The following SH3BP5 variants were observed in gnomAD, a reference collection of about 807,000 sequenced individuals.
The protein encoded by SH3BP5 is SH3 domain-binding protein 5.
A neutral mutation model predicts 43.3 loss-of-function variants in SH3BP5; 22 were observed. The ratio of observed to expected loss-of-function variants is 0.51; its 90% CI spans 0.36 to 0.73. The LOEUF (loss-of-function observed/expected upper bound fraction) is 0.73. Among genes scored for constraint, SH3BP5 ranks in the 30% least tolerant of loss-of-function variants. SH3BP5 has a pLI of 0.00. For missense variants in SH3BP5, 529 were observed against 586.9 expected (o/e 0.90, Z 1.02); for synonymous variants, 255 against 225.8 (o/e 1.13, Z -1.16).
intron 2 of SH3BP5, among the ~76,000 whole-genome samples, chr3:15,323,501 T>C (rs1171254754): frequency 2.6e-5 from 4 of 152,146 alleles, no homozygotes; most frequent in South Asian, 2.1e-4. Flanking sequence ...GCTGGGCAGC[T>C]CTCAAAGCAC....
At chr3:15,324,096 A>G (rs567344691) in intron 2 of SH3BP5, among the ~76,000 whole-genome samples, 46 of 152,080 alleles carry the variant, frequency 3.0e-4, no homozygotes, top group Non-Finnish European at 5.6e-4. Context: ...TTTTCTTTAT[A>G]ATCAACCAAT....
At chr3:15,318,502 A>G (rs1410473649) in intron 2 of SH3BP5, among the ~76,000 whole-genome samples, 1 of 147,850 alleles carries the variant, frequency 6.8e-6, no homozygotes, top group Non-Finnish European at 1.5e-5. Flanking sequence ...TATGCTATGC[A>G]GCTATGTAGT....
chr3:15,278,039 G>A lies in SH3BP5; in HGVS notation c.331-8162C>T, dbSNP rs114660527. Among the ~76,000 whole-genome samples, 271 of 152,320 alleles carry A rather than the reference G, an allele frequency of 1.8e-3. 1 individual carries two copies. Among genetic ancestry groups the A allele is most frequent in the African/African-American group, 6.4e-3 (265 of 41,566 alleles). ...AGAAGCCCCAGCCAAATGACAGGTC[G>A]GCCAGCTTCTACCCCTCGTGCTTCG... On this transcript the variant is annotated intron_variant, in intron 3 of 8. Coordinates refer to ENST00000383791, the MANE Select transcript of SH3BP5 (RefSeq NM_004844.5).
At chr3:15,259,883 A>C (rs1696368434) in intron 5 of SH3BP5, 80 bp from the exon 6 acceptor site, 1 of 1,300,100 alleles carries the variant, frequency 7.7e-7, no homozygotes, top group Non-Finnish European at 1.1e-6. Context: ...AACAAGAGGC[A>C]TCAGCTACCA....
intron 3 of SH3BP5, among the ~76,000 whole-genome samples, chr3:15,280,967 G>C (rs367608835): frequency 3.3e-5 from 5 of 152,226 alleles, no homozygotes; most frequent in African/African-American, 4.8e-5. Context: ...AGGGAGTGGA[G>C]AGCCCTGCTT....
intron 4 of SH3BP5, chr3:15,264,516 T>A (rs1696565547): frequency 6.6e-6 from 1 of 152,342 alleles, no homozygotes; most frequent in East Asian, 1.9e-4. Flanking sequence ...ATCCCAATTA[T>A]GCTTTTACCT....
At chr3:15,269,269 A>C (rs557970120) in intron 4 of SH3BP5, among the ~76,000 whole-genome samples, 25 of 152,278 alleles carry the variant, frequency 1.6e-4, no homozygotes, top group South Asian at 1.2e-3. Context: ...ATTCTGGTCT[A>C]ATCCGCCATG....
At chr3:15,315,711 C>T (rs1698168747) in intron 2 of SH3BP5, among the ~76,000 whole-genome samples, 1 of 152,170 alleles carries the variant, frequency 6.6e-6, no homozygotes. Flanking sequence ...CCAGTTCCAC[C>T]TCCTAGAACA....
At chr3:15,280,628 C>T (rs1697099269) in intron 3 of SH3BP5, among the ~76,000 whole-genome samples, 1 of 152,208 alleles carries the variant, frequency 6.6e-6, no homozygotes, top group South Asian at 2.1e-4. Flanking sequence ...CCATCCCCGA[C>T]ATCACACTCT....
chr3:15,304,295 T>G, intron 2 of SH3BP5, 64 bp from the exon 3 acceptor site: 3 of 1,611,976 alleles, frequency 1.9e-6, no homozygotes, highest in Non-Finnish European at 2.5e-6. Flanking sequence ...AAACACCTAC[T>G]GGACCTAGAC....
At chr3:15,308,090 C>T (rs1667092162) in intron 2 of SH3BP5, among the ~76,000 whole-genome samples, 1 of 152,226 alleles carries the variant, frequency 6.6e-6, no homozygotes, top group Admixed American at 6.5e-5. Flanking sequence ...AGGGGTTACC[C>T]TCCTCTCCAG....
chr3:15,255,949 C>A lies in SH3BP5; in HGVS notation c.*137G>T. 2.6e-6 allele frequency: 2 copies of A among 766,132 alleles called. No individual in the cohort carries two copies. Among genetic ancestry groups the A allele is most frequent in the Non-Finnish European group, 4.3e-6 (2 of 460,022 alleles). 47.5% of individuals were successfully genotyped at this position (766,132 alleles called of 1,614,324 possible). A position where few individuals can be genotyped will look rare whatever the true frequency, so the allele number is the denominator to read the frequency against. ...ACCCAGAAGAACAATCTTTAGCCCT[C>A]AAGGTCACTGAAACTTCATTAGAGC... On this transcript the variant is annotated 3_prime_UTR_variant, in exon 9 of 9. Transcript: ENST00000383791.
At chr3:15,299,706 G>T (rs1697680285) in intron 3 of SH3BP5, among the ~76,000 whole-genome samples, 1 of 151,686 alleles carries the variant, frequency 6.6e-6, no homozygotes, top group African/African-American at 2.4e-5. Flanking sequence ...TCACCATGTT[G>T]CCCAGGCTGA....
At chr3:15,259,635 A>G in intron 6 of SH3BP5, 126 bp downstream of exon 6, 1 of 934,432 alleles carries the variant, frequency 1.1e-6, no homozygotes, top group Non-Finnish European at 1.8e-6. Context: ...CTGAAAACTC[A>G]GTAAAGCCTG....
rs778496280 is a variant in SH3BP5 at position 15,258,813 on chromosome 3, G to C, written c.889+18C>G. 1.2e-6 allele frequency: 2 copies of C among 1,600,908 alleles called. No individual in the cohort carries two copies. The highest frequency in any genetic ancestry group is 1.3e-5 in the African/African-American group (1 of 74,656). ...AGTCTGATATCTCCCCACATACCCAGTGGAGCCCCTGACTTACCAGAAATG... is the reference window on the plus strand; with the variant it reads ...AGTCTGATATCTCCCCACATACCCACTGGAGCCCCTGACTTACCAGAAATG... On this transcript the variant is annotated intron_variant, in intron 7 of 8. Transcript: ENST00000383791.
Position 15,256,143 on chromosome 3 carries a change from C to T in SH3BP5, c.1311G>A (p.Gln437=). ...TAATTCCATCTCTTCCCTTTGAGCA[C>T]TGTAGGGAGAGCTGCTTCATCCGGT... ...LENRMKQLSL[Q]CSKGRDGIIA... Residue 437 remains glutamine (Q), a synonymous_variant, in exon 9 of 9, where the codon CAG becomes CAA. Coordinates refer to ENST00000383791, the MANE Select transcript of SH3BP5 (RefSeq NM_004844.5). The T allele has an allele frequency of 1.2e-6, 2 of 1,614,228 alleles. No individual in the cohort carries two copies. Among genetic ancestry groups the T allele is most frequent in the South Asian group, 1.1e-5 (1 of 91,090 alleles).
Position 15,274,086 on chromosome 3 carries a change from A to C in SH3BP5, c.331-4209T>G, listed in dbSNP as rs551259308. Among the ~76,000 whole-genome samples the C allele has an allele frequency of 2.0e-5, 3 of 152,210 alleles. No homozygotes were observed. The South Asian group carries it at 6.2e-4, about 32-fold the overall frequency. ...TGGTGAAACACCGTCTCTACTAAAA[A>C]TACAAAAAAATTAGCTGGGTGTGGT... On this transcript the variant is annotated intron_variant, in intron 3 of 8. Coordinates refer to ENST00000383791, the MANE Select transcript of SH3BP5 (RefSeq NM_004844.5).
At chr3:15,299,118 A>T (rs1697658318) in intron 3 of SH3BP5, among the ~76,000 whole-genome samples, 1 of 152,242 alleles carries the variant, frequency 6.6e-6, no homozygotes, top group Non-Finnish European at 1.5e-5. Flanking sequence ...GCACCCAGGG[A>T]GCCAGGTAAG....
At chr3:15,271,242 G>A (rs1696788954) in intron 3 of SH3BP5, among the ~76,000 whole-genome samples, 1 of 152,020 alleles carries the variant, frequency 6.6e-6, no homozygotes, top group Non-Finnish European at 1.5e-5. Flanking sequence ...TCCGAGCATG[G>A]TGGCACATGG....
Sources: allele counts gnomAD v4.1 joint callset (sites outside exome capture counted in the v4.1 genomes callset), GRCh38; gene constraint gnomAD v4.1.1; transcripts MANE v1.5; gene names NCBI Gene and HGNC (gene_info 2026-07-23, HGNC 2026-07-21).